Variants in TRPS1 observed in about 807,000 individuals in gnomAD.
TRPS1 encodes zinc finger transcription factor Trps1.
Under a neutral mutation model 101.2 loss-of-function variants are expected in TRPS1, and 6 were observed. The observed-to-expected ratio is 0.06, with a 90% CI of 0.03 to 0.12. TRPS1 has a LOEUF of 0.12. TRPS1 is among the 10% of genes least tolerant of loss of function. The probability of loss-of-function intolerance (pLI) is 1.00; values close to 1 mark genes in which losing one functional copy is unlikely to be tolerated. For synonymous variants in TRPS1, 578 were observed against 589.8 expected (o/e 0.98, Z 0.29); for missense variants, 1,363 against 1,567.0 (o/e 0.87, Z 2.20).
chr8:115,568,597 C>T (rs538489385), intron 5 of TRPS1, among the ~76,000 whole-genome samples: 6 of 152,090 alleles, frequency 3.9e-5, no homozygotes, highest in South Asian at 2.1e-4. Flanking sequence ...AGATATAAAA[C>T]GTGCCACTGC....
At chr8:115,474,320 T>C (rs1289981955) in intron 5 of TRPS1, among the ~76,000 whole-genome samples, 1 of 152,164 alleles carries the variant, frequency 6.6e-6, no homozygotes, top group East Asian at 1.9e-4. Context: ...GAAGTTTTGT[T>C]ATTTAACTTT....
At chr8:115,473,999 C>T (rs1233022602) in intron 5 of TRPS1, among the ~76,000 whole-genome samples, 1 of 152,140 alleles carries the variant, frequency 6.6e-6, no homozygotes, top group East Asian at 1.9e-4. Context: ...AAGCTTTCTG[C>T]TATGGGAATT....
At chr8:115,567,675 C>T (rs1586411036) in intron 5 of TRPS1, among the ~76,000 whole-genome samples, 2 of 152,178 alleles carry the variant, frequency 1.3e-5, no homozygotes, top group South Asian at 4.1e-4. Context: ...AAGAAGGTGC[C>T]ACCCATCAGG....
chr8:115,572,384 A>AC (rs1326447204), intron 5 of TRPS1, among the ~76,000 whole-genome samples: 1 of 152,174 alleles, frequency 6.6e-6, no homozygotes, highest in Non-Finnish European at 1.5e-5. Context: ...CTCTTCTGGA[A>AC]CACTGTCTTG....
chr8:115,595,531 C>G (rs1199582451), intron 4 of TRPS1, among the ~76,000 whole-genome samples: 1 of 151,864 alleles, frequency 6.6e-6, no homozygotes, highest in Admixed American at 6.6e-5. Context: ...GTAATAGTAA[C>G]TGGCTTTTGG....
chr8:115,544,165 G>A (rs867343198), intron 5 of TRPS1, among the ~76,000 whole-genome samples: 1 of 150,080 alleles, frequency 6.7e-6, no homozygotes. Context: ...AAGCGGCTAA[G>A]AGGAAGGATC....
At chr8:115,496,383 T>C (rs1027546467) in intron 5 of TRPS1, among the ~76,000 whole-genome samples, 1 of 152,120 alleles carries the variant, frequency 6.6e-6, no homozygotes, top group Non-Finnish European at 1.5e-5. Context: ...CAATCAATTG[T>C]TAAATACAGA....
At chr8:115,447,864 T>C (rs545689786) in intron 5 of TRPS1, among the ~76,000 whole-genome samples, 14 of 152,270 alleles carry the variant, frequency 9.2e-5, no homozygotes, top group African/African-American at 3.1e-4. Flanking sequence ...TTCATAACTG[T>C]TGTGAAAGTT....
intron 1 of TRPS1, among the ~76,000 whole-genome samples, chr8:115,663,990 G>C (rs1420873462): frequency 1.3e-5 from 2 of 151,938 alleles, no homozygotes; most frequent in African/African-American, 4.8e-5. Context: ...GAACAACTGA[G>C]CACTGTGATA....
At chr8:115,647,207 C>T (rs949303562) in intron 1 of TRPS1, among the ~76,000 whole-genome samples, 1 of 152,096 alleles carries the variant, frequency 6.6e-6, no homozygotes, top group African/African-American at 2.4e-5. Context: ...CAAAATATCT[C>T]TTGTGGAAAA....
At chr8:115,602,578 TAACA>T (rs1262541565) in intron 4 of TRPS1, among the ~76,000 whole-genome samples, 1 of 152,188 alleles carries the variant, frequency 6.6e-6, no homozygotes, top group African/African-American at 2.4e-5. Flanking sequence ...CCCTTCAAAT[TAACA>T]TCTAACATTA....
At chr8:115,532,242 G>A (rs1358821747) in intron 5 of TRPS1, among the ~76,000 whole-genome samples, 2 of 96,904 alleles carry the variant, frequency 2.1e-5, no homozygotes, top group South Asian at 3.5e-4. Context: ...AAATCAGAGC[G>A]CATTTTTTTT....
chr8:115,523,070 T>A (rs1237388011), intron 5 of TRPS1, among the ~76,000 whole-genome samples: 4 of 152,138 alleles, frequency 2.6e-5, no homozygotes, highest in African/African-American at 9.7e-5. Flanking sequence ...AACCTTTTGA[T>A]TTTGCTTTTC....
intron 4 of TRPS1, among the ~76,000 whole-genome samples, chr8:115,596,718 T>C (rs1029874883): frequency 6.6e-6 from 1 of 151,444 alleles, no homozygotes; most frequent in African/African-American, 2.4e-5. Flanking sequence ...ATATATCATA[T>C]GTATGTATAC....
At chr8:115,528,332 G>C (rs1318071466) in intron 5 of TRPS1, among the ~76,000 whole-genome samples, 3 of 152,122 alleles carry the variant, frequency 2.0e-5, no homozygotes, top group Non-Finnish European at 4.4e-5. Flanking sequence ...GAGCACTTAA[G>C]AGTCACAAAG....
rs1187418136 is a variant in TRPS1, at chr8:115,603,925, T to C, written c.2044A>G (p.Thr682Ala). ...ACTTGGGTAATAAAATCACATTTGGTACATGAGTGTTCTTTGCTTTCCTTG... is the reference window on the plus strand; with the variant it reads ...ACTTGGGTAATAAAATCACATTTGGCACATGAGTGTTCTTTGCTTTCCTTG... ...SVKESKEHSC[T>A]KCDFITQVEE... Residue 682 changes from threonine to alanine, a missense_variant, in exon 4 of 7, where the codon ACC (threonine) becomes GCC (alanine). Physicochemically the swap from Thr to Ala is moderately conservative, Grantham distance 58 (BLOSUM62 0). Coordinates refer to ENST00000395715, the MANE Select transcript of TRPS1 (RefSeq NM_014112.5). The C allele has an allele frequency of 1.2e-6, 2 of 1,613,914 alleles. No individual in the cohort carries two copies. Among genetic ancestry groups the C allele is most frequent in the African/African-American group, 2.7e-5 (2 of 74,906 alleles).
chr8:115,644,588 CAT>C (rs777872891), intron 1 of TRPS1, among the ~76,000 whole-genome samples: 4 of 152,206 alleles, frequency 2.6e-5, no homozygotes, highest in African/African-American at 7.2e-5. Flanking sequence ...GCTTTCTTAT[CAT>C]GTGTGTGTTC....
At chr8:115,503,115 G>A (rs961749895) in intron 5 of TRPS1, among the ~76,000 whole-genome samples, 45 of 152,052 alleles carry the variant, frequency 3.0e-4, no homozygotes, top group South Asian at 1.9e-3. Flanking sequence ...TTACCTGGGC[G>A]TGGTGGCGGG....
Position 115,587,448 on chromosome 8 carries a change from C to T in TRPS1, c.2253G>A (p.Glu751=), listed in dbSNP as rs1419506337. The T allele has an allele frequency of 6.2e-7, 1 of 1,614,142 alleles. No individual in the cohort carries two copies. Among genetic ancestry groups the T allele is most frequent in the Non-Finnish European group, 8.5e-7 (1 of 1,180,002 alleles). Residue 751 remains glutamate (E), a synonymous_variant, in exon 5 of 7, where the codon GAG becomes GAA. Transcript: ENST00000395715. ...EDGHAISTIK[E]EPKIDFRVYN... ...AGACCCTGAAGTCAATTTTGGGCTC[C>T]TCTTTGATGGTGGATATGGCATGAC...
Sources: allele counts gnomAD v4.1 joint callset (sites outside exome capture counted in the v4.1 genomes callset), GRCh38; gene constraint gnomAD v4.1.1; transcripts MANE v1.5; gene names NCBI Gene and HGNC (gene_info 2026-07-23, HGNC 2026-07-21).